Variants in PTPRT observed in about 807,000 individuals in gnomAD.
The protein encoded by PTPRT is receptor-type tyrosine-protein phosphatase T.
PTPRT carries 56 observed loss-of-function variants against 176.8 expected under a neutral mutation model. The ratio of observed to expected loss-of-function variants is 0.32; its 90% confidence interval spans 0.26 to 0.40. The LOEUF (loss-of-function observed/expected upper bound fraction) is 0.40, where lower values mean the gene tolerates loss of function less well. Among genes scored for constraint, PTPRT ranks in the 10% least tolerant of loss-of-function variants. The pLI is 1.00. For missense variants in PTPRT, 1,540 were observed against 1,908.2 expected, an observed-to-expected ratio of 0.81 and a Z score of 3.60; for synonymous variants, 783 against 739.0, an observed-to-expected ratio of 1.06 and a Z score of -0.96.
At chr20:42,523,729 C>T (rs566588400) in intron 7 of PTPRT, among the ~76,000 whole-genome samples, 1 of 152,194 alleles carries the variant, frequency 6.6e-6, no homozygotes, top group African/African-American at 2.4e-5. Flanking sequence ...TATATTTTTA[C>T]TTCATGTTTA....
At chr20:42,857,404 A>G (rs945899554) in intron 2 of PTPRT, among the ~76,000 whole-genome samples, 9 of 152,202 alleles carry the variant, frequency 5.9e-5, no homozygotes, top group Admixed American at 2.6e-4. Flanking sequence ...CCCAAGTTAT[A>G]TTAATGCACT....
intron 7 of PTPRT, among the ~76,000 whole-genome samples, chr20:42,551,446 T>C (rs1481896882): frequency 1.3e-5 from 2 of 152,214 alleles, no homozygotes; most frequent in African/African-American, 4.8e-5. Context: ...TGCCCAAGCA[T>C]AATTGATGCT....
At chr20:43,017,301 G>C (rs1985417651) in intron 1 of PTPRT, among the ~76,000 whole-genome samples, 1 of 152,152 alleles carries the variant, frequency 6.6e-6, no homozygotes, top group Non-Finnish European at 1.5e-5. Context: ...CATGCTGCCT[G>C]TGTTTGGGCC....
At chr20:42,913,761 A>C (rs1978550784) in intron 1 of PTPRT, among the ~76,000 whole-genome samples, 1 of 152,206 alleles carries the variant, frequency 6.6e-6, no homozygotes. Flanking sequence ...CTTTAGATTG[A>C]GAAAAGCTGT....
intron 1 of PTPRT, among the ~76,000 whole-genome samples, chr20:42,986,617 T>C (rs1453328290): frequency 1.3e-5 from 2 of 152,214 alleles, no homozygotes; most frequent in African/African-American, 2.4e-5. Context: ...TGGACGATGA[T>C]GGTGACTGTG....
chr20:43,077,545 C>T (rs897042980), intron 1 of PTPRT, among the ~76,000 whole-genome samples: 1 of 152,076 alleles, frequency 6.6e-6, no homozygotes, highest in African/African-American at 2.4e-5. Context: ...AAAAGAGAGC[C>T]CCTTATTGAA....
At chr20:42,923,556 G>A (rs1019420814) in intron 1 of PTPRT, among the ~76,000 whole-genome samples, 4 of 152,148 alleles carry the variant, frequency 2.6e-5, no homozygotes, top group African/African-American at 4.8e-5. Context: ...CTTTTCACAC[G>A]TATCTTCTCA....
rs117847786 is a variant in PTPRT, at chr20:42,818,821, T to C, written c.215-27355A>G. Among the ~76,000 whole-genome samples, 959 of 152,126 alleles carry C rather than the reference T, an allele frequency of 6.3e-3. 54 individuals are homozygous for C. The East Asian group carries it at 0.13, about 21-fold the overall frequency. On this transcript the variant is annotated intron_variant, in intron 2 of 30. Coordinates refer to ENST00000373187, the MANE Select transcript of PTPRT (RefSeq NM_007050.6). ...TATCAGAGTTTGAAGATCACCTTAC[T>C]AAAATAAGATATGCAGACAAGAATA...
intron 6 of PTPRT, among the ~76,000 whole-genome samples, chr20:42,698,326 G>T (rs2075916130): frequency 6.6e-6 from 1 of 152,116 alleles, no homozygotes; most frequent in South Asian, 2.1e-4. Flanking sequence ...GCCTCTCTAA[G>T]AAATGAGGTG....
intron 1 of PTPRT, chr20:43,063,327 G>A (rs1365964732): frequency 6.6e-6 from 1 of 152,152 alleles, no homozygotes; most frequent in Non-Finnish European, 1.5e-5. Flanking sequence ...CCAACTTCGG[G>A]ATGTGAGGGC....
intron 6 of PTPRT, among the ~76,000 whole-genome samples, chr20:42,708,356 A>G (rs535390063): frequency 1.8e-4 from 28 of 152,316 alleles, no homozygotes; most frequent in African/African-American, 6.3e-4. Flanking sequence ...ATGGTGTCCT[A>G]TGAGCCAAGC....
chr20:42,782,431 A>G (rs530613681), intron 3 of PTPRT, among the ~76,000 whole-genome samples: 1 of 152,260 alleles, frequency 6.6e-6, no homozygotes, highest in East Asian at 1.9e-4. Flanking sequence ...CGTGAATCCA[A>G]CAGATCTGCA....
intron 4 of PTPRT, among the ~76,000 whole-genome samples, chr20:42,776,559 C>T (rs2145484349): frequency 6.6e-6 from 1 of 152,290 alleles, no homozygotes; most frequent in East Asian, 1.9e-4. Flanking sequence ...TGGCCAACAC[C>T]TTGACCTTGA....
At chr20:42,576,525 G>A (rs533279899) in intron 7 of PTPRT, among the ~76,000 whole-genome samples, 1 of 152,282 alleles carries the variant, frequency 6.6e-6, no homozygotes, top group South Asian at 2.1e-4. Flanking sequence ...TCCTTCCCCA[G>A]AGGCCAGAAA....
chr20:42,327,338 A>G (rs2057899367), intron 11 of PTPRT, among the ~76,000 whole-genome samples: 1 of 152,064 alleles, frequency 6.6e-6, no homozygotes, highest in South Asian at 2.1e-4. Flanking sequence ...ACCAAATACA[A>G]TGTGTGATCC....
the PTPRT span, among the ~76,000 whole-genome samples, chr20:42,038,610 T>C: frequency 6.6e-6 from 1 of 152,188 alleles, no homozygotes; most frequent in African/African-American, 2.4e-5. Context: ...TATAACTTTG[T>C]AGTTGTGTGA....
intron 2 of PTPRT, among the ~76,000 whole-genome samples, chr20:42,863,192 T>C (rs1189445162): frequency 6.6e-6 from 1 of 152,228 alleles, no homozygotes; most frequent in African/African-American, 2.4e-5. Context: ...GCCTGAGCTC[T>C]AGCAAAGCGT....
At chr20:43,175,571 C>T (rs1319307674) in intron 1 of PTPRT, among the ~76,000 whole-genome samples, 4 of 151,382 alleles carry the variant, frequency 2.6e-5, no homozygotes, top group African/African-American at 9.7e-5. Context: ...GCACTCCAGC[C>T]TGGCAACAGA....
At chr20:42,290,770 T>C (rs1771775739) in intron 12 of PTPRT, among the ~76,000 whole-genome samples, 1 of 152,046 alleles carries the variant, frequency 6.6e-6, no homozygotes, top group African/African-American at 2.4e-5. Context: ...CATCTAACCA[T>C]CCATCCATCC....
Sources: gnomAD v4.1 joint callset for allele counts (sites outside exome capture counted in the v4.1 genomes callset) on GRCh38, gnomAD v4.1.1 for gene constraint, MANE v1.5 for transcripts, NCBI Gene and HGNC (gene_info 2026-07-23, HGNC 2026-07-21) for gene names.